The following ZNF678 variants were observed in gnomAD, a reference collection of about 807,000 sequenced individuals.
The protein encoded by ZNF678 is hypothetical protein MGC42493.
In ZNF678, 5 loss-of-function variants were observed where a neutral mutation model predicts 3.0. That is an observed-to-expected ratio of 1.69 (90% confidence interval 0.88 to 3.56). The LOEUF is 3.56. ZNF678 is among the 30% of genes most tolerant of loss of function. The pLI, the probability that ZNF678 is intolerant of heterozygous loss-of-function variation, is 0.00. For missense variants in ZNF678, 593 were observed against 605.0 expected (o/e 0.98, Z 0.21); for synonymous variants, 218 against 199.6 (o/e 1.09, Z -0.78).
chr1:227,640,560 C>T (rs1174806833), intron 1 of ZNF678, among the ~76,000 whole-genome samples: 1 of 152,122 alleles, frequency 6.6e-6, no homozygotes, highest in Non-Finnish European at 1.5e-5. Flanking sequence ...AAGGCCCAGA[C>T]ATAAGGAATT....
chr1:227,655,947 G>C lies in ZNF678; in HGVS notation c.*119G>C. 1.4e-6 allele frequency: 1 copy of C among 690,502 alleles called. No homozygotes were observed. The highest frequency in any genetic ancestry group is 2.2e-6 in the Non-Finnish European group (1 of 454,228). The allele number at this position is 690,502 out of a possible 1,614,324, so 42.8% of individuals were successfully genotyped here. On this transcript the variant is annotated 3_prime_UTR_variant, in exon 4 of 4. Transcript: ENST00000343776. ...GCTTCAGAGTGCACAACACTATACT[G>C]AATGAAATTTATAAATATAAAAGAT...
rs535403838 is a variant in ZNF678 at position 227,583,498 on chromosome 1, A to G, written c.-164+19774A>G. Among the ~76,000 whole-genome samples, 310 of 151,990 alleles carry G rather than the reference A, an allele frequency of 2.0e-3. 1 individual carries two copies. The highest frequency in any genetic ancestry group is 6.7e-3 in the African/African-American group (279 of 41,490). ...TCCCAAGTAGCTGGGATTACAGGCA[A>G]TTCCACTTTTGATTTAACTTTGTCA... On this transcript the variant is annotated intron_variant, in intron 1 of 3. Transcript: ENST00000343776.
At chr1:227,631,100 A>G (rs1051656371) in intron 1 of ZNF678, among the ~76,000 whole-genome samples, 1 of 152,140 alleles carries the variant, frequency 6.6e-6, no homozygotes, top group Non-Finnish European at 1.5e-5. Context: ...ATTCTCCAGA[A>G]TACATCTTAG....
chr1:227,613,322 A>G (rs1262173600), intron 1 of ZNF678, among the ~76,000 whole-genome samples: 2 of 152,196 alleles, frequency 1.3e-5, no homozygotes, highest in Non-Finnish European at 2.9e-5. Context: ...TGGCCCCAGG[A>G]CAGCAATTCT....
intron 1 of ZNF678, among the ~76,000 whole-genome samples, chr1:227,602,134 T>C (rs1318796852): frequency 2.0e-5 from 3 of 152,216 alleles, no homozygotes; most frequent in African/African-American, 7.2e-5. Context: ...AGCATCTTTG[T>C]CTTCTGCTGG....
chr1:227,642,628 A>G (rs1260255813), intron 1 of ZNF678, among the ~76,000 whole-genome samples: 2 of 151,946 alleles, frequency 1.3e-5, no homozygotes, highest in Non-Finnish European at 2.9e-5. Context: ...GAATACCTTG[A>G]ATTGGTCCTG....
At chr1:227,646,765 T>C (rs1252200374) in intron 2 of ZNF678, 95 bp downstream of exon 2, 1 of 1,160,270 alleles carries the variant, frequency 8.6e-7, no homozygotes, top group Non-Finnish European at 1.1e-6. Flanking sequence ...GTCATTTGCA[T>C]GAATGAGTTT....
intron 1 of ZNF678, among the ~76,000 whole-genome samples, chr1:227,629,810 C>A (rs184032506): frequency 6.6e-6 from 1 of 152,154 alleles, no homozygotes; most frequent in African/African-American, 2.4e-5. Context: ...TATTTTTATT[C>A]GGACAATCTT....
intron 1 of ZNF678, among the ~76,000 whole-genome samples, chr1:227,608,417 A>T (rs1409416930): frequency 1.3e-5 from 2 of 152,204 alleles, no homozygotes; most frequent in Non-Finnish European, 2.9e-5. Flanking sequence ...ATGTCTTTAC[A>T]AATTTATTCA....
At position 227,614,900 on chromosome 1, in the gene ZNF678, G is replaced by GT. The variant is rs796444640; in HGVS notation, c.-163-31638dup. Among the ~76,000 whole-genome samples, 14 of 152,244 alleles carry GT rather than the reference G, an allele frequency of 9.2e-5. 1 individual carries two copies. Among genetic ancestry groups the GT allele is most frequent in the African/African-American group, 3.4e-4 (14 of 41,542 alleles). Reference sequence around the variant, plus strand: ...GCTACCCAGCAAAACCTTTACTTGTGTTTTTTCACTAGTTTTTTAAATAAG... The same window carrying GT: ...GCTACCCAGCAAAACCTTTACTTGTGTTTTTTTCACTAGTTTTTTAAATAAG... On this transcript the variant is annotated intron_variant, in intron 1 of 3. Coordinates refer to ENST00000343776, the MANE Select transcript of ZNF678 (RefSeq NM_001367909.1).
At chr1:227,630,703 G>A (rs1426633432) in intron 1 of ZNF678, among the ~76,000 whole-genome samples, 2 of 152,134 alleles carry the variant, frequency 1.3e-5, no homozygotes, top group African/African-American at 4.8e-5. Context: ...CATAATCAGG[G>A]AATACTGGCA....
At chr1:227,651,774 A>G (rs1055483370) in intron 3 of ZNF678, among the ~76,000 whole-genome samples, 4 of 152,268 alleles carry the variant, frequency 2.6e-5, no homozygotes, top group South Asian at 2.1e-4. Context: ...GGGTCTTGCT[A>G]TGTTACCCAG....
At chr1:227,676,696 G>A (rs1044444368) in intron 5 of ZNF678, among the ~76,000 whole-genome samples, 3 of 93,380 alleles carry the variant, frequency 3.2e-5, no homozygotes, top group African/African-American at 8.6e-5. Flanking sequence ...AACAGGCCCC[G>A]GTGTGTGATG....
At chr1:227,631,097 A>C (rs1658537578) in intron 1 of ZNF678, among the ~76,000 whole-genome samples, 1 of 152,148 alleles carries the variant, frequency 6.6e-6, no homozygotes, top group Non-Finnish European at 1.5e-5. Flanking sequence ...CCAATTCTCC[A>C]GAATACATCT....
chr1:227,654,744 G>A lies in ZNF678; in HGVS notation c.494G>A (p.Trp165Ter). The A allele has an allele frequency of 6.2e-7, 1 of 1,612,136 alleles. No individual in the cohort carries two copies. Among genetic ancestry groups the A allele is most frequent in the African/African-American group, 1.3e-5 (1 of 74,732 alleles). ...GAATGTGGCAAAGTTTTTAATTGGT[G>A]GTCACAACTAACTAACCATAAGAAA... ...CDECGKVFNW[W>*]SQLTNHKKIH... The change falls in exon 4 of 4, where the codon TGG becomes TAG. Residue 165 changes from tryptophan to a stop codon, truncating the protein, a stop_gained. Coordinates refer to ENST00000343776, the MANE Select transcript of ZNF678 (RefSeq NM_001367909.1). LOFTEE classifies it low-confidence loss of function (END_TRUNC).
intron 1 of ZNF678, among the ~76,000 whole-genome samples, chr1:227,637,006 G>A (rs1376338677): frequency 6.6e-6 from 1 of 152,194 alleles, no homozygotes; most frequent in Admixed American, 6.5e-5. Flanking sequence ...CTTTTTGAGA[G>A]GTGGTGCCTA....
intron 1 of ZNF678, among the ~76,000 whole-genome samples, chr1:227,628,400 A>T (rs944686521): frequency 6.6e-6 from 1 of 152,154 alleles, no homozygotes; most frequent in African/African-American, 2.4e-5. Context: ...CTTCTGCTTC[A>T]GGTGTCCATT....
At chr1:227,645,344 G>A (rs918771639) in intron 1 of ZNF678, among the ~76,000 whole-genome samples, 1 of 152,144 alleles carries the variant, frequency 6.6e-6, no homozygotes, top group African/African-American at 2.4e-5. Flanking sequence ...GTCAAGGGCT[G>A]GGTCAGCTGT....
At chr1:227,632,969 A>G (rs1440353618) in intron 1 of ZNF678, among the ~76,000 whole-genome samples, 6 of 152,144 alleles carry the variant, frequency 3.9e-5, no homozygotes, top group Non-Finnish European at 7.3e-5. Flanking sequence ...GCCATGGGTC[A>G]CAGAAGAGAA....
Sources: allele counts gnomAD v4.1 joint callset (sites outside exome capture counted in the v4.1 genomes callset), GRCh38; gene constraint gnomAD v4.1.1; transcripts MANE v1.5; gene names NCBI Gene and HGNC (gene_info 2026-07-23, HGNC 2026-07-21).